ZNF385D: variants seen among roughly 807,000 people sequenced by gnomAD.
ZNF385D encodes the protein zinc finger protein 659.
Under a neutral mutation model 35.8 loss-of-function variants are expected in ZNF385D, and 15 were observed. The ratio of observed to expected loss-of-function variants is 0.42; its 90% CI spans 0.28 to 0.64. The LOEUF is 0.64. ZNF385D is among the 30% of genes least tolerant of loss of function. The pLI is 0.23. For missense variants in ZNF385D, 474 were observed against 494.6 expected, an observed-to-expected ratio of 0.96 and a Z score of 0.39; for synonymous variants, 212 against 186.8, an observed-to-expected ratio of 1.13 and a Z score of -1.10.
At chr3:21,918,317 A>C (rs1046450475) in intron 3 of ZNF385D, among the ~76,000 whole-genome samples, 2 of 152,204 alleles carry the variant, frequency 1.3e-5, no homozygotes, top group Non-Finnish European at 2.9e-5. Flanking sequence ...CAGGAAACAA[A>C]AGAAATGAAC....
chr3:21,947,693 G>A (rs1362127907), intron 3 of ZNF385D, among the ~76,000 whole-genome samples: 3 of 151,956 alleles, frequency 2.0e-5, no homozygotes, highest in South Asian at 2.1e-4. Context: ...TATTTTTTGC[G>A]TGTAATATCT....
chr3:22,211,369 T>C (rs1004171584), intron 2 of ZNF385D, among the ~76,000 whole-genome samples: 1 of 151,942 alleles, frequency 6.6e-6, no homozygotes, highest in East Asian at 1.9e-4. Flanking sequence ...TCAAAAAATC[T>C]AGTTCCCTGA....
At chr3:22,335,986 A>G (rs958889480) in intron 2 of ZNF385D, among the ~76,000 whole-genome samples, 1 of 152,068 alleles carries the variant, frequency 6.6e-6, no homozygotes, top group Admixed American at 6.5e-5. Context: ...ATGTACATGT[A>G]CTCAGTATTC....
At chr3:21,551,749 G>A (rs933596343) in intron 3 of ZNF385D, among the ~76,000 whole-genome samples, 13 of 151,932 alleles carry the variant, frequency 8.6e-5, no homozygotes, top group African/African-American at 2.4e-4. Flanking sequence ...CAGGAGATTT[G>A]TCAGGAAAAA....
chr3:22,284,940 CAAAT>C (rs1701949844), intron 2 of ZNF385D, among the ~76,000 whole-genome samples: 1 of 151,860 alleles, frequency 6.6e-6, no homozygotes, highest in Admixed American at 6.6e-5. Flanking sequence ...GTAGCATCAA[CAAAT>C]GAATGTGGAA....
chr3:21,760,069 A>G (rs1051595405), intron 3 of ZNF385D, among the ~76,000 whole-genome samples: 2 of 152,336 alleles, frequency 1.3e-5, no homozygotes, highest in South Asian at 4.1e-4. Context: ...GTAATGGGAA[A>G]ACAAAATATT....
intron 3 of ZNF385D, among the ~76,000 whole-genome samples, chr3:21,865,633 G>A (rs991567465): frequency 2.6e-5 from 4 of 152,066 alleles, no homozygotes; most frequent in East Asian, 1.9e-4. Flanking sequence ...GCAGAGAGCT[G>A]AACACTGCTG....
At chr3:21,766,071 A>T (rs988577903) in intron 3 of ZNF385D, among the ~76,000 whole-genome samples, 2 of 152,142 alleles carry the variant, frequency 1.3e-5, no homozygotes, top group African/African-American at 4.8e-5. Context: ...CCGAAAGGAA[A>T]AAAGGAAAGT....
chr3:21,525,241 A>T (rs1708152230), intron 3 of ZNF385D, among the ~76,000 whole-genome samples: 1 of 152,198 alleles, frequency 6.6e-6, no homozygotes, highest in Non-Finnish European at 1.5e-5. Flanking sequence ...TTCAGATATT[A>T]ATTTTCAGTT....
chr3:22,163,211 T>G (rs1301401379), intron 3 of ZNF385D, among the ~76,000 whole-genome samples: 1 of 152,292 alleles, frequency 6.6e-6, no homozygotes, highest in Non-Finnish European at 1.5e-5. Context: ...GCAAAATTCC[T>G]GACTGAGCTG....
chr3:22,128,074 T>G (rs1052662513), intron 3 of ZNF385D, among the ~76,000 whole-genome samples: 2 of 152,240 alleles, frequency 1.3e-5, no homozygotes, highest in South Asian at 2.1e-4. Context: ...TGTACAGTGT[T>G]GATAAAATCT....
At chr3:22,033,049 C>A (rs555808030) in intron 3 of ZNF385D, among the ~76,000 whole-genome samples, 1 of 152,018 alleles carries the variant, frequency 6.6e-6, no homozygotes, top group African/African-American at 2.4e-5. Context: ...ATCAAGATTC[C>A]GAGATTGAAT....
In ZNF385D at chr3:22,077,196, T is replaced by G. The variant is rs78774008; in HGVS notation, c.325+91621A>C. Among the ~76,000 whole-genome samples, 389 of 152,086 alleles carry G rather than the reference T, an allele frequency of 2.6e-3. 1 individual carries two copies. The highest frequency in any genetic ancestry group is 9.0e-3 in the African/African-American group (374 of 41,556). ...ATTGATGTCTACTTTTTGTTCAGACTATATGAATGTTTCATTTCTTTACTC... is the reference window on the plus strand; with the variant it reads ...ATTGATGTCTACTTTTTGTTCAGACGATATGAATGTTTCATTTCTTTACTC... On this transcript the variant is annotated intron_variant, in intron 3 of 5. Transcript: ENST00000494108.
intron 3 of ZNF385D, among the ~76,000 whole-genome samples, chr3:21,956,300 T>C (rs1476424371): frequency 6.6e-6 from 1 of 152,082 alleles, no homozygotes; most frequent in Non-Finnish European, 1.5e-5. Flanking sequence ...AACCAGATCA[T>C]TGTCCCCACC....
At chr3:21,564,447 A>ATGT in intron 3 of ZNF385D, 127 bp downstream of exon 3, 1 of 513,138 alleles carries the variant, frequency 1.9e-6, no homozygotes. Flanking sequence ...GTGAGTTAAA[A>ATGT]TGTTATCTTT....
intron 3 of ZNF385D, among the ~76,000 whole-genome samples, chr3:22,065,191 T>A (rs1221406475): frequency 6.6e-6 from 1 of 152,162 alleles, no homozygotes; most frequent in Non-Finnish European, 1.5e-5. Flanking sequence ...AAAGAGAGTG[T>A]TGTGTGGCTA....
intron 2 of ZNF385D, among the ~76,000 whole-genome samples, chr3:22,266,777 T>G (rs1248192105): frequency 6.6e-6 from 1 of 151,944 alleles, no homozygotes; most frequent in Non-Finnish European, 1.5e-5. Context: ...ATTTGATAAG[T>G]CTGCTCAGAT....
intron 1 of ZNF385D, among the ~76,000 whole-genome samples, chr3:21,726,895 G>A (rs752687878): frequency 2.6e-5 from 4 of 152,122 alleles, no homozygotes; most frequent in Non-Finnish European, 2.9e-5. Context: ...CAAAGCTGGA[G>A]ACATTACCCT....
intron 2 of ZNF385D, among the ~76,000 whole-genome samples, chr3:21,594,780 T>C (rs560186454): frequency 1.1e-3 from 166 of 152,316 alleles, no homozygotes; most frequent in Admixed American, 2.4e-3. Flanking sequence ...TTCATAATGT[T>C]ATTCATATCT....
Sources: allele counts gnomAD v4.1 joint callset (sites outside exome capture counted in the v4.1 genomes callset), GRCh38; gene constraint gnomAD v4.1.1; transcripts MANE v1.5; gene names NCBI Gene and HGNC (gene_info 2026-07-23, HGNC 2026-07-21).